UGT8: variants seen among roughly 807,000 people sequenced by gnomAD.
The protein encoded by UGT8 is 2-hydroxyacylsphingosine 1-beta-galactosyltransferase.
In UGT8, 12 loss-of-function variants were observed where a neutral mutation model predicts 40.5. That is an observed-to-expected ratio of 0.30 (90% CI 0.19 to 0.48). UGT8 has a LOEUF of 0.48. Ranked by LOEUF, UGT8 falls within the 20% of genes least tolerant of loss-of-function variation. The pLI, the probability that UGT8 is intolerant of heterozygous loss-of-function variation, is 0.99. For synonymous variants in UGT8, 224 were observed against 240.4 expected, an observed-to-expected ratio of 0.93 and a Z score of 0.63; for missense variants, 513 against 648.7, an observed-to-expected ratio of 0.79 and a Z score of 2.27.
intron 2 of UGT8, among the ~76,000 whole-genome samples, chr4:114,647,356 T>TTGTGTGTG (rs34575248): frequency 0.018 from 2,648 of 143,230 alleles, 50 homozygotes; most frequent in South Asian, 0.033. Flanking sequence ...ATTAGCTCTT[T>TTGTGTGTG]TGTGTGTGTG....
At chr4:114,636,095 T>G (rs537870125) in intron 2 of UGT8, among the ~76,000 whole-genome samples, 24 of 152,212 alleles carry the variant, frequency 1.6e-4, no homozygotes, top group African/African-American at 4.8e-4. Context: ...CATGGTAATA[T>G]ATATGTGATT....
At chr4:114,675,613 G>A (rs937061961) in intron 5 of UGT8, among the ~76,000 whole-genome samples, 1 of 149,136 alleles carries the variant, frequency 6.7e-6, no homozygotes, top group Non-Finnish European at 1.5e-5. Context: ...AGTGGCGGGC[G>A]CCTGTAGTCC....
In UGT8 at chr4:114,623,691, C is replaced by G. The variant is rs199775914; in HGVS notation, c.811C>G (p.Pro271Ala). The change falls in exon 2 of 6, where the codon CCA becomes GCA. Residue 271 changes from proline to alanine, a missense_variant. Transcript: ENST00000310836. ...VGGILTKPAS[P>A]LPEDLQRWVN... The stretch of plus-strand genomic sequence containing the variant: ...AGGAATCCTAACCAAACCAGCCAGC[C>G]CACTACCAGAAGTAAGGTTTGCCGA... 27 of 1,589,274 alleles carry G rather than the reference C, an allele frequency of 1.7e-5. 1 individual carries two copies. The highest frequency in any genetic ancestry group is 3.4e-4 in the Middle Eastern group (2 of 5,950).
chr4:114,623,888 TTGAA>T (rs1482395473), intron 2 of UGT8, 186 bp downstream of exon 2: 3 of 380,940 alleles, frequency 7.9e-6, no homozygotes, highest in Non-Finnish European at 7.2e-6. Flanking sequence ...CATTCCTGCT[TTGAA>T]TGAGCATTTC....
intron 2 of UGT8, among the ~76,000 whole-genome samples, chr4:114,647,913 T>C (rs966050978): frequency 3.9e-5 from 6 of 152,198 alleles, no homozygotes; most frequent in Admixed American, 2.6e-4. Context: ...GACATAACTG[T>C]GGAAGAAATT....
intron 1 of UGT8, among the ~76,000 whole-genome samples, chr4:114,622,076 G>A (rs987892614): frequency 5.3e-5 from 8 of 151,336 alleles, no homozygotes; most frequent in African/African-American, 1.9e-4. Context: ...CTAGCATTAG[G>A]TATATATCCC....
At chr4:114,602,393 A>C (rs1730494620) in intron 1 of UGT8, among the ~76,000 whole-genome samples, 1 of 152,206 alleles carries the variant, frequency 6.6e-6, no homozygotes, top group African/African-American at 2.4e-5. Flanking sequence ...GGCTACATGA[A>C]TTATTTAAAT....
Position 114,632,758 on chromosome 4 carries a change from C to A in UGT8, c.822+9056C>A, listed in dbSNP as rs148295966. On this transcript the variant is annotated intron_variant, in intron 2 of 5. Transcript: ENST00000310836. Reference sequence around the variant, plus strand: ...CAGGTCAGTCAACTTTTATGTCCCACCCACTTTCATTCCTAGTACGACAGT... The same window carrying A: ...CAGGTCAGTCAACTTTTATGTCCCAACCACTTTCATTCCTAGTACGACAGT... Among the ~76,000 whole-genome samples the A allele has an allele frequency of 9.2e-5, 14 of 152,312 alleles. No individual in the cohort carries two copies. In the East Asian group the frequency reaches 2.7e-3, roughly 29 times the overall value.
rs1322704801 is a variant in UGT8, at chr4:114,619,796, A to G, written c.-2-3083A>G. Among the ~76,000 whole-genome samples the G allele has an allele frequency of 5.9e-5, 9 of 151,938 alleles. No homozygotes were observed. The East Asian group carries it at 1.5e-3, about 26-fold the overall frequency. The stretch of plus-strand genomic sequence containing the variant: ...ACTAAATGAAATCAGGAGAATACTT[A>G]GGGAAGTGAAATATCTATTATGTAT... On this transcript the variant is annotated intron_variant, in intron 1 of 5. Transcript: ENST00000310836.
intron 1 of UGT8, among the ~76,000 whole-genome samples, chr4:114,613,648 C>T (rs767437672): frequency 1.8e-4 from 28 of 152,154 alleles, no homozygotes; most frequent in Non-Finnish European, 3.7e-4. Context: ...ACATTACCTT[C>T]ATTGTATTAC....
rs1735691951 is a variant in UGT8 at position 114,676,896 on chromosome 4, T to C, written c.*608T>C. ...AAAGAAATGGCACAGTTTTTTGTATTTTTTTTTTTAGTTATTTTTTGTTGT... is the reference window on the plus strand; with the variant it reads ...AAAGAAATGGCACAGTTTTTTGTATCTTTTTTTTTAGTTATTTTTTGTTGT... On this transcript the variant is annotated 3_prime_UTR_variant, in exon 6 of 6. Transcript: ENST00000310836. The C allele has an allele frequency of 6.7e-6, 1 of 149,058 alleles. No homozygotes were observed. The highest frequency in any genetic ancestry group is 1.9e-4 in the East Asian group (1 of 5,144). The allele number at this position is 149,058 out of a possible 1,614,324, so 9.2% of individuals were successfully genotyped here.
At chr4:114,609,647 T>C (rs1004043880) in intron 1 of UGT8, among the ~76,000 whole-genome samples, 3 of 152,102 alleles carry the variant, frequency 2.0e-5, no homozygotes, top group African/African-American at 7.2e-5. Context: ...AGAGTGGAGA[T>C]GGGATAGGCA....
intron 1 of UGT8, among the ~76,000 whole-genome samples, chr4:114,616,122 A>C (rs1731411402): frequency 6.6e-6 from 1 of 152,124 alleles, no homozygotes; most frequent in Non-Finnish European, 1.5e-5. Flanking sequence ...TACTCTCTTC[A>C]AAGCTGTCAG....
At chr4:114,612,827 C>T (rs922429198) in intron 1 of UGT8, among the ~76,000 whole-genome samples, 1 of 152,052 alleles carries the variant, frequency 6.6e-6, no homozygotes, top group Non-Finnish European at 1.5e-5. Flanking sequence ...TTAATAGTGT[C>T]CCTATAAAAT....
At chr4:114,660,387 AT>A (rs1473767553) in intron 2 of UGT8, among the ~76,000 whole-genome samples, 1 of 152,178 alleles carries the variant, frequency 6.6e-6, no homozygotes, top group African/African-American at 2.4e-5. Flanking sequence ...TGTTTCTCTG[AT>A]TATTCATGTG....
At chr4:114,628,881 C>G (rs1345022576) in intron 2 of UGT8, among the ~76,000 whole-genome samples, 1 of 149,792 alleles carries the variant, frequency 6.7e-6, no homozygotes, top group Admixed American at 6.7e-5. Flanking sequence ...GATTGAGCAA[C>G]AGAGTTATTA....
intron 1 of UGT8, among the ~76,000 whole-genome samples, chr4:114,612,720 A>G (rs1229869970): frequency 6.6e-6 from 1 of 152,124 alleles, no homozygotes; most frequent in Non-Finnish European, 1.5e-5. Context: ...TTCAAAATGC[A>G]CTCCAAGCAC....
At chr4:114,603,517 G>T (rs969869273) in intron 1 of UGT8, among the ~76,000 whole-genome samples, 3 of 152,038 alleles carry the variant, frequency 2.0e-5, no homozygotes, top group Non-Finnish European at 4.4e-5. Context: ...AAACGAGAAG[G>T]TACAGAACAA....
At chr4:114,602,098 A>G (rs1366381131) in intron 1 of UGT8, among the ~76,000 whole-genome samples, 1 of 152,178 alleles carries the variant, frequency 6.6e-6, no homozygotes, top group Non-Finnish European at 1.5e-5. Context: ...TTTTATAGAA[A>G]AAATTTGTGT....
Sources: allele counts gnomAD v4.1 joint callset (sites outside exome capture counted in the v4.1 genomes callset), GRCh38; gene constraint gnomAD v4.1.1; transcripts MANE v1.5; gene names NCBI Gene and HGNC (gene_info 2026-07-23, HGNC 2026-07-21).